The following ERBB4 variants were observed in gnomAD, a reference collection of about 807,000 sequenced individuals.
The protein encoded by ERBB4 is receptor tyrosine-protein kinase erbB-4.
A neutral mutation model predicts 158.0 loss-of-function variants in ERBB4; 42 were observed. The observed-to-expected ratio is 0.27, with a 90% CI of 0.21 to 0.34. The LOEUF (loss-of-function observed/expected upper bound fraction) is 0.34. Among genes scored for constraint, ERBB4 ranks in the 10% least tolerant of loss-of-function variants. ERBB4 has a pLI of 1.00. For synonymous variants in ERBB4, 583 were observed against 558.7 expected, an observed-to-expected ratio of 1.04 and a Z score of -0.61; for missense variants, 1,333 against 1,624.1, an observed-to-expected ratio of 0.82 and a Z score of 3.08.
intron 19 of ERBB4, among the ~76,000 whole-genome samples, chr2:211,599,935 C>G (rs1389912503): frequency 2.0e-5 from 3 of 152,154 alleles, no homozygotes; most frequent in Non-Finnish European, 4.4e-5. Context: ...TAAACTACCA[C>G]TTCTCAATAT....
intron 1 of ERBB4, among the ~76,000 whole-genome samples, chr2:212,222,055 A>G (rs2083307143): frequency 6.6e-6 from 1 of 151,596 alleles, no homozygotes; most frequent in Admixed American, 6.6e-5. Flanking sequence ...CAATTATAAT[A>G]GTAGCTTTTT....
intron 1 of ERBB4, among the ~76,000 whole-genome samples, chr2:212,452,368 G>C (rs2092458548): frequency 6.8e-6 from 1 of 146,168 alleles, no homozygotes; most frequent in South Asian, 2.2e-4. Context: ...GAAAACATTT[G>C]TGTCTACAAT....
intron 1 of ERBB4, among the ~76,000 whole-genome samples, chr2:212,192,010 ATATGT>A (rs1292216363): frequency 2.2e-5 from 1 of 45,224 alleles, no homozygotes; most frequent in Admixed American, 1.6e-4. Flanking sequence ...TATATATAAT[ATATGT>A]TATATGTTAT....
At position 211,628,059 on chromosome 2, in the gene ERBB4, T is replaced by C. The variant is rs1049701459; in HGVS notation, c.2079+2403A>G. ...ATAATGAGATCATTGACTACTAATT[T>C]AATGATCCTAATTAAAACATGCATT... On this transcript the variant is annotated intron_variant, in intron 17 of 27. Coordinates refer to ENST00000342788, the MANE Select transcript of ERBB4 (RefSeq NM_005235.3). Among the ~76,000 whole-genome samples the C allele has an allele frequency of 1.4e-4, 21 of 152,360 alleles. 1 individual carries two copies. The highest frequency in any genetic ancestry group is 1.4e-3 in the Admixed American group (21 of 15,300).
intron 19 of ERBB4, among the ~76,000 whole-genome samples, chr2:211,597,789 T>C (rs1056363703): frequency 6.6e-6 from 1 of 152,176 alleles, no homozygotes; most frequent in Non-Finnish European, 1.5e-5. Flanking sequence ...GTAAAAATAT[T>C]ACTTAAAAAT....
chr2:212,029,974 C>T (rs1262800466), intron 2 of ERBB4, among the ~76,000 whole-genome samples: 1 of 152,128 alleles, frequency 6.6e-6, no homozygotes, highest in Non-Finnish European at 1.5e-5. Context: ...TTGCACTGTA[C>T]TATCAAGATG....
chr2:212,359,739 T>C (rs1574764373), intron 1 of ERBB4, among the ~76,000 whole-genome samples: 1 of 151,802 alleles, frequency 6.6e-6, no homozygotes, highest in Non-Finnish European at 1.5e-5. Flanking sequence ...CAATATTCTA[T>C]TGTGAAGATT....
intron 7 of ERBB4, among the ~76,000 whole-genome samples, chr2:211,718,289 A>G (rs1301114055): frequency 6.6e-6 from 1 of 152,164 alleles, no homozygotes; most frequent in Non-Finnish European, 1.5e-5. Flanking sequence ...AAATCACATG[A>G]CTAATAAGGG....
intron 3 of ERBB4, among the ~76,000 whole-genome samples, chr2:211,935,065 T>C (rs2080283118): frequency 1.3e-5 from 2 of 152,038 alleles, no homozygotes; most frequent in African/African-American, 4.8e-5. Flanking sequence ...AGAATCCCTA[T>C]AGCATTGTGA....
chr2:211,420,793 G>T (rs150048360), intron 24 of ERBB4, among the ~76,000 whole-genome samples, 182 bp from the exon 25 acceptor site: 143 of 152,112 alleles, frequency 9.4e-4, no homozygotes, highest in African/African-American at 3.2e-3. Context: ...GCTTAGAAAT[G>T]ATAGGGCCAG....
chr2:211,688,546 G>C (rs72945096), intron 12 of ERBB4, among the ~76,000 whole-genome samples: 3 of 151,940 alleles, frequency 2.0e-5, no homozygotes, highest in African/African-American at 7.3e-5. Flanking sequence ...CATCTATTTT[G>C]TCCTTTTTTT....
rs538031050 is a variant in ERBB4 at position 211,767,302 on chromosome 2, T to C, written c.557-16598A>G. On this transcript the variant is annotated intron_variant, in intron 4 of 27. Transcript: ENST00000342788. ...AAAAATAGAAGAGAGTAATACTGAATAGAGTCAGTGTAATTGTCATTCAAT... is the reference window on the plus strand; with the variant it reads ...AAAAATAGAAGAGAGTAATACTGAACAGAGTCAGTGTAATTGTCATTCAAT... 9.9e-5 allele frequency among the ~76,000 whole-genome samples: 15 copies of C among 152,284 alleles called. No homozygotes were observed. In the South Asian group the frequency reaches 2.9e-3, roughly 29 times the overall value.
At chr2:211,424,796 A>AACTT (rs1186308522) in intron 22 of ERBB4, among the ~76,000 whole-genome samples, 1 of 152,006 alleles carries the variant, frequency 6.6e-6, no homozygotes, top group South Asian at 2.1e-4. Flanking sequence ...GACTCTCTCT[A>AACTT]ACTTACACAA....
rs199886006 is a variant in ERBB4, at chr2:211,706,605, A to AC, written c.1125-1215_1125-1214insG. ...CCATTCCACATCTTAAAAAAACAAA[A>AC]AAAAAAAAAACAAAAAAAACTTTGC... On this transcript the variant is annotated intron_variant, in intron 9 of 27. Transcript: ENST00000342788. Among the ~76,000 whole-genome samples the AC allele has an allele frequency of 6.2e-3, 886 of 141,882 alleles. 5 individuals are homozygous for AC. Among genetic ancestry groups the AC allele is most frequent in the African/African-American group, 0.024 (838 of 34,462 alleles). The allele number at this position is 141,882 out of a possible 152,430, so 93.1% of individuals were successfully genotyped here.
intron 3 of ERBB4, among the ~76,000 whole-genome samples, chr2:211,816,785 A>G (rs1438756650): frequency 6.6e-6 from 1 of 152,150 alleles, no homozygotes; most frequent in Non-Finnish European, 1.5e-5. Flanking sequence ...ATAATCAAAA[A>G]GTGAATCAAT....
chr2:211,832,504 TAAA>T (rs1007895596), intron 3 of ERBB4, among the ~76,000 whole-genome samples: 42 of 152,104 alleles, frequency 2.8e-4, no homozygotes, highest in Non-Finnish European at 4.7e-4. Context: ...GCATTAAAGA[TAAA>T]AACTCTCCTT....
intron 1 of ERBB4, among the ~76,000 whole-genome samples, chr2:212,446,410 T>C (rs1221665627): frequency 6.6e-6 from 1 of 150,566 alleles, no homozygotes; most frequent in Non-Finnish European, 1.5e-5. Flanking sequence ...GAGACTGGCC[T>C]AGACTCTCAG....
chr2:211,870,913 C>T (rs1310152686), intron 3 of ERBB4, among the ~76,000 whole-genome samples: 1 of 152,058 alleles, frequency 6.6e-6, no homozygotes, highest in Admixed American at 6.6e-5. Flanking sequence ...ATTCAACAAT[C>T]AATTACTAAG....
intron 1 of ERBB4, among the ~76,000 whole-genome samples, chr2:212,274,342 T>C (rs2085449312): frequency 6.6e-6 from 1 of 151,824 alleles, no homozygotes; most frequent in Non-Finnish European, 1.5e-5. Flanking sequence ...ATTCAAGGTT[T>C]ACGGTATTGC....
Sources: allele counts gnomAD v4.1 joint callset (sites outside exome capture counted in the v4.1 genomes callset), GRCh38; gene constraint gnomAD v4.1.1; transcripts MANE v1.5; gene names NCBI Gene and HGNC (gene_info 2026-07-23, HGNC 2026-07-21).